The following LRTM3 variants were observed in gnomAD, a reference collection of about 807,000 sequenced individuals.
LRTM3 encodes the protein leucine-rich repeat transmembrane protein 3.
the LRTM3 span, chr13:102,745,724 T>C: frequency 6.4e-7 from 1 of 1,551,162 alleles, no homozygotes; most frequent in Non-Finnish European, 8.7e-7. Flanking sequence ...ATGGCTAGAA[T>C]CAGATGAGAT....
At chr13:102,751,548 A>T in the LRTM3 span, among the ~76,000 whole-genome samples, 1 of 152,144 alleles carries the variant, frequency 6.6e-6, no homozygotes, top group Non-Finnish European at 1.5e-5. Context: ...GCTGATTCTG[A>T]TACATGATAA....
At chr13:102,755,929 G>GTATA in the LRTM3 span, among the ~76,000 whole-genome samples, 479 of 89,188 alleles carry the variant, frequency 5.4e-3, 4 homozygotes, top group African/African-American at 0.022. Flanking sequence ...GTGTGTGTGT[G>GTATA]TGTATATATA....
chr13:102,739,170 C>A, the LRTM3 span: 2 of 1,549,758 alleles, frequency 1.3e-6, no homozygotes, highest in Non-Finnish European at 1.7e-6. Context: ...TTACTTTCAT[C>A]TTCCTGCGTC....
chr13:102,758,067 G>C, the LRTM3 span, among the ~76,000 whole-genome samples: 3 of 152,126 alleles, frequency 2.0e-5, no homozygotes, highest in African/African-American at 7.2e-5. Context: ...TGTTTGCTTG[G>C]TCCACAGTAA....
the LRTM3 span, chr13:102,731,748 C>T: frequency 2.6e-6 from 4 of 1,551,346 alleles, no homozygotes; most frequent in Non-Finnish European, 3.5e-6. Context: ...GGTATGGGCA[C>T]AGTTCCTGGG....
the LRTM3 span, chr13:102,734,766 G>A: frequency 6.4e-7 from 1 of 1,551,134 alleles, no homozygotes; most frequent in Non-Finnish European, 8.7e-7. Flanking sequence ...AGTTGAGATA[G>A]AGATGGCAAT....
the LRTM3 span, chr13:102,743,204 GTTC>G: frequency 6.4e-7 from 1 of 1,550,648 alleles, no homozygotes; most frequent in Non-Finnish European, 8.7e-7. Flanking sequence ...CAAGTTGGAA[GTTC>G]TTCTCTTGTC....
chr13:102,756,673 T>TAAAC, the LRTM3 span, among the ~76,000 whole-genome samples: 1 of 67,024 alleles, frequency 1.5e-5, no homozygotes, highest in Non-Finnish European at 2.8e-5. Flanking sequence ...AAACTCTGTC[T>TAAAC]AAAAAAAAAA....
the LRTM3 span, chr13:102,747,805 A>G: frequency 1.4e-5 from 22 of 1,551,284 alleles, no homozygotes; most frequent in Non-Finnish European, 1.7e-5. Flanking sequence ...TAGTTTGTGT[A>G]GAAAGAGTTT....
the LRTM3 span, chr13:102,746,510 T>G: frequency 7.7e-6 from 12 of 1,550,988 alleles, no homozygotes; most frequent in Middle Eastern, 1.7e-4. Context: ...CTTTTTAAAC[T>G]TAGTCTTAAA....
At chr13:102,740,909 T>C in the LRTM3 span, 1 of 1,550,020 alleles carries the variant, frequency 6.5e-7, no homozygotes, top group African/African-American at 1.4e-5. Flanking sequence ...AAAAGCCTCG[T>C]GTGTACTTTC....
chr13:102,746,551 G>T, the LRTM3 span: 1 of 1,550,920 alleles, frequency 6.4e-7, no homozygotes. Context: ...TGTGGCTTGT[G>T]ACACTGACTG....
At chr13:102,735,979 T>C in the LRTM3 span, 1 of 1,549,464 alleles carries the variant, frequency 6.5e-7, no homozygotes, top group Non-Finnish European at 8.7e-7. Flanking sequence ...CAAGTGGGAG[T>C]GCCTCTGCCC....
At chr13:102,741,406 T>A in the LRTM3 span, 2 of 1,550,050 alleles carry the variant, frequency 1.3e-6, no homozygotes, top group African/African-American at 2.7e-5. Context: ...CTGCAGGCAC[T>A]TTGTGCTGTA....
the LRTM3 span, chr13:102,742,959 C>A: frequency 1.9e-6 from 3 of 1,544,070 alleles, no homozygotes; most frequent in Admixed American, 2.0e-5. Flanking sequence ...TTGAGACTTT[C>A]TTTTCCATTT....
At chr13:102,735,841 G>A in the LRTM3 span, 2 of 1,541,388 alleles carry the variant, frequency 1.3e-6, no homozygotes, top group Admixed American at 2.0e-5. Flanking sequence ...CACAATTCAG[G>A]TAAAATGGAG....
the LRTM3 span, chr13:102,736,538 C>T: frequency 3.2e-6 from 5 of 1,551,000 alleles, no homozygotes; most frequent in African/African-American, 2.7e-5. Context: ...CATAAAGCTT[C>T]TTGTTATTCG....
At chr13:102,730,843 T>C in the LRTM3 span, 1 of 1,551,530 alleles carries the variant, frequency 6.4e-7, no homozygotes, top group South Asian at 1.2e-5. Context: ...ATTTGTATTG[T>C]AAATCAAGAT....
the LRTM3 span, chr13:102,748,728 C>T: frequency 1.1e-5 from 17 of 1,549,628 alleles, no homozygotes; most frequent in African/African-American, 1.4e-5. Flanking sequence ...GTAATTGAGT[C>T]TTTAAGAGAT....
Sources: gnomAD v4.1 joint callset for allele counts (sites outside exome capture counted in the v4.1 genomes callset) on GRCh38, gnomAD v4.1.1 for gene constraint, MANE v1.5 for transcripts, NCBI Gene and HGNC (gene_info 2026-07-23, HGNC 2026-07-21) for gene names.